EIF2AK2: variants seen among roughly 807,000 people sequenced by gnomAD.
The protein encoded by EIF2AK2 is interferon-induced, double-stranded RNA-activated protein kinase.
EIF2AK2 carries 40 observed loss-of-function variants against 70.5 expected under a neutral mutation model. That is an observed-to-expected ratio of 0.57 (90% confidence interval 0.44 to 0.74). EIF2AK2 has a LOEUF of 0.74. Among genes scored for constraint, EIF2AK2 ranks in the 30% least tolerant of loss-of-function variants. EIF2AK2 has a pLI of 0.00. For missense variants in EIF2AK2, 555 were observed against 644.3 expected (o/e 0.86, Z 1.50); for synonymous variants, 198 against 220.9 (o/e 0.90, Z 0.92).
rs757095306 is a variant in EIF2AK2 at position 37,147,767 on chromosome 2, G to C, written c.40C>G (p.Leu14Val). ...DLSAGFFMEE[L>V]NTYRQKQGVV... Reference sequence around the variant, plus strand: ...CCCTGCTTCTGACGGTATGTATTAAGTTCCTCCATGAAGAAACCTGCTGAA... The same window carrying C: ...CCCTGCTTCTGACGGTATGTATTAACTTCCTCCATGAAGAAACCTGCTGAA... The change falls in exon 3 of 17, where the codon CTT (leucine) becomes GTT (valine). Residue 14 changes from leucine (L) to valine (V), a missense_variant. By Grantham distance (32) the Leu-to-Val change is conservative (BLOSUM62 1). Around this residue, in one of 3 missense-constraint regions of EIF2AK2, gnomAD observed 48 missense variants for 77.1 expected, o/e 0.62. Transcript: ENST00000233057. The C allele has an allele frequency of 1.2e-6, 2 of 1,613,466 alleles. No individual in the cohort carries two copies. The highest frequency in any genetic ancestry group is 8.5e-7 in the Non-Finnish European group (1 of 1,179,684).
At chr2:37,144,658 A>G (rs764805997) in intron 4 of EIF2AK2, among the ~76,000 whole-genome samples, 2 of 145,440 alleles carry the variant, frequency 1.4e-5, no homozygotes, top group Non-Finnish European at 3.0e-5. Flanking sequence ...ATCACAGCTC[A>G]CTGCAGCCCT....
In EIF2AK2 at chr2:37,144,725, C is replaced by T. The variant is rs376881937; in HGVS notation, c.240+2128G>A. ...CCTCCTGAGTAGCTGGAACTACAGG[C>T]ACATGCCACCAAGCCCGGCTAATGT... On this transcript the variant is annotated intron_variant, in intron 4 of 16. Transcript: ENST00000233057. Among the ~76,000 whole-genome samples the T allele has an allele frequency of 1.1e-3, 172 of 152,056 alleles. 1 individual carries two copies. The highest frequency in any genetic ancestry group is 3.9e-3 in the African/African-American group (162 of 41,468).
At chr2:37,120,729 G>A (rs1390226238) in intron 12 of EIF2AK2, among the ~76,000 whole-genome samples, 1 of 149,538 alleles carries the variant, frequency 6.7e-6, no homozygotes, top group African/African-American at 2.4e-5. Context: ...TTGGGAGGCC[G>A]AGACTGGCGG....
chr2:37,108,860 G>C (rs533545867), intron 15 of EIF2AK2, among the ~76,000 whole-genome samples: 1 of 152,146 alleles, frequency 6.6e-6, no homozygotes, highest in African/African-American at 2.4e-5. Context: ...GAGCCACCGC[G>C]CCCAGCCAAG....
chr2:37,111,359 G>A (rs960724209), intron 14 of EIF2AK2, among the ~76,000 whole-genome samples: 1 of 150,818 alleles, frequency 6.6e-6, no homozygotes, highest in African/African-American at 2.4e-5. Context: ...AAAATTAACG[G>A]CTACACTAAT....
chr2:37,117,629 G>A (rs1187158968), intron 13 of EIF2AK2, among the ~76,000 whole-genome samples: 1 of 152,152 alleles, frequency 6.6e-6, no homozygotes, highest in South Asian at 2.1e-4. Flanking sequence ...ATATAAAAGG[G>A]ATGCAAACTT....
chr2:37,137,135 T>G (rs1162338190), intron 8 of EIF2AK2, 118 bp from the exon 9 acceptor site: 19 of 749,254 alleles, frequency 2.5e-5, no homozygotes, highest in Non-Finnish European at 3.4e-5. Flanking sequence ...AGTCCATCAA[T>G]GTCTGTACTC....
intron 1 of EIF2AK2, among the ~76,000 whole-genome samples, chr2:37,152,033 T>TC (rs1271005067): frequency 6.6e-6 from 1 of 152,196 alleles, no homozygotes; most frequent in African/African-American, 2.4e-5. Flanking sequence ...GCCACTGCAC[T>TC]CCAGCCTGCG....
At chr2:37,147,469 C>G (rs529336369) in intron 3 of EIF2AK2, among the ~76,000 whole-genome samples, 3 of 119,104 alleles carry the variant, frequency 2.5e-5, no homozygotes, top group South Asian at 3.5e-4. Flanking sequence ...CCCCTCCCCC[C>G]ACCCCACAAC....
intron 2 of EIF2AK2, chr2:37,148,563 C>G: frequency 1.3e-6 from 1 of 766,568 alleles, no homozygotes; most frequent in Non-Finnish European, 2.3e-6. Flanking sequence ...CAGCTTCGTA[C>G]TACAAATGAG....
chr2:37,141,230 T>TC (rs1158468137), intron 5 of EIF2AK2, among the ~76,000 whole-genome samples: 1 of 152,204 alleles, frequency 6.6e-6, no homozygotes, highest in Non-Finnish European at 1.5e-5. Flanking sequence ...CACCATCATG[T>TC]CCTCAATGAT....
chr2:37,111,839 G>A (rs1431753911), intron 14 of EIF2AK2, among the ~76,000 whole-genome samples: 2 of 119,538 alleles, frequency 1.7e-5, no homozygotes, highest in African/African-American at 6.5e-5. Flanking sequence ...CTCCAGCCTG[G>A]GTGAAAAGCA....
At chr2:37,150,242 C>G (rs74446706) in intron 1 of EIF2AK2, among the ~76,000 whole-genome samples, 4,857 of 151,676 alleles carry the variant, frequency 0.032, 119 homozygotes, top group South Asian at 0.064. Context: ...GCTGGAAGCT[C>G]ACCCAAACTT....
intron 4 of EIF2AK2, among the ~76,000 whole-genome samples, chr2:37,145,781 T>G (rs1420371562): frequency 2.9e-5 from 2 of 68,556 alleles, no homozygotes; most frequent in African/African-American, 5.0e-5. Context: ...TTTTTTTTTT[T>G]GAGATAGGAT....
rs772676507 is a variant in EIF2AK2, at chr2:37,102,184, G to A, written c.*5089C>T. On this transcript the variant is annotated 3_prime_UTR_variant, in exon 17 of 17. Transcript: ENST00000233057. ...GAGCCTAGGAGTTCGAGGTTACAAG[G>A]AGCTGTGATCGTACCACTGTACTCT... The A allele has an allele frequency of 2.6e-5, 4 of 152,226 alleles. No individual in the cohort carries two copies. The South Asian group carries it at 8.3e-4, about 32-fold the overall frequency. 9.4% of individuals were successfully genotyped at this position (152,226 alleles called of 1,614,324 possible).
chr2:37,156,558 A>G (rs1675935889), intron 1 of EIF2AK2, among the ~76,000 whole-genome samples: 1 of 152,174 alleles, frequency 6.6e-6, no homozygotes, highest in Non-Finnish European at 1.5e-5. Flanking sequence ...GTGTCAAGCC[A>G]CTAGGCCTAT....
chr2:37,120,216 G>T, intron 12 of EIF2AK2, 77 bp from the exon 13 acceptor site: 1 of 1,000,130 alleles, frequency 1.0e-6, no homozygotes, highest in Non-Finnish European at 1.3e-6. Context: ...ACTTTTTAAA[G>T]TTTTTCATAA....
Position 37,138,517 on chromosome 2 carries a change from G to A in EIF2AK2, c.585C>T (p.Thr195=). The change falls in exon 7 of 17, where the codon ACC becomes ACT. Residue 195 remains threonine (T), a synonymous_variant. Transcript: ENST00000233057. ...TGTTTGTCTACACTTACAGTGTGCT[G>A]GTCACTAAAGAGTTGCTTTGGGACT... ...TCESQSNSLV[T]STLASESSSE... is the part of the protein sequence containing the mutation. 1 of 1,614,004 alleles carries A rather than the reference G, an allele frequency of 6.2e-7. No individual in the cohort carries two copies. Among genetic ancestry groups the A allele is most frequent in the Non-Finnish European group, 8.5e-7 (1 of 1,179,936 alleles).
chr2:37,119,647 A>G (rs1016815899), intron 13 of EIF2AK2, among the ~76,000 whole-genome samples: 1 of 151,218 alleles, frequency 6.6e-6, no homozygotes, highest in African/African-American at 2.4e-5. Context: ...GCTGGAGTGC[A>G]GTGGCACAAT....
Sources: gnomAD v4.1 joint callset for allele counts (sites outside exome capture counted in the v4.1 genomes callset) on GRCh38, gnomAD v4.1.1 for gene constraint, gnomAD v4.1.1 regional missense constraint, MANE v1.5 for transcripts, NCBI Gene and HGNC (gene_info 2026-07-23, HGNC 2026-07-21) for gene names.